RIMBP2: variants seen among roughly 807,000 people sequenced by gnomAD.
RIMBP2 encodes RIMS binding protein 2.
In RIMBP2, 48 loss-of-function variants were observed where a neutral mutation model predicts 118.6. The observed-to-expected ratio is 0.40, with a 90% CI of 0.32 to 0.51. The LOEUF is 0.51. Ranked by LOEUF, RIMBP2 falls within the 20% of genes least tolerant of loss-of-function variation. RIMBP2 has a pLI of 0.41. For synonymous variants in RIMBP2, 762 were observed against 742.9 expected, an observed-to-expected ratio of 1.03 and a Z score of -0.42; for missense variants, 1,551 against 1,768.3, an observed-to-expected ratio of 0.88 and a Z score of 2.20.
chr12:130,410,318 T>C (rs2075610615), intron 19 of RIMBP2, among the ~76,000 whole-genome samples: 1 of 152,246 alleles, frequency 6.6e-6, no homozygotes, highest in Non-Finnish European at 1.5e-5. Context: ...AAGGATTTTC[T>C]GCCAGCCTGT....
chr12:130,428,096 C>A, intron 15 of RIMBP2, 83 bp downstream of exon 15: 2 of 1,365,476 alleles, frequency 1.5e-6, no homozygotes, highest in Non-Finnish European at 9.9e-7. Context: ...CCTCTGGAGC[C>A]TGCCTCACCA....
chr12:130,525,339 G>T lies in RIMBP2; in HGVS notation c.-216-7422C>A, dbSNP rs887943606. 2.0e-5 allele frequency among the ~76,000 whole-genome samples: 3 copies of T among 152,210 alleles called. No homozygotes were observed. The highest frequency in any genetic ancestry group is 4.4e-5 in the Non-Finnish European group (3 of 68,036). ...AGGAGAGGCTCTGGTGATGGGATAAGCAGAGGGCAGCATCAATGGGTGGGA... is the reference window on the plus strand; with the variant it reads ...AGGAGAGGCTCTGGTGATGGGATAATCAGAGGGCAGCATCAATGGGTGGGA... On this transcript the variant is annotated intron_variant, in intron 2 of 22. Coordinates refer to ENST00000690449, the MANE Select transcript of RIMBP2 (RefSeq NM_001393629.1). This position sits in a 1 kb window ranked among gnomAD's most constrained non-coding sequence, Gnocchi z 4.4.
Position 130,431,493 on chromosome 12 carries a change from C to G in RIMBP2, c.2254-3156G>C. The stretch of plus-strand genomic sequence containing the variant: ...TTCTTTGAATTGAATCAATATTTAA[C>G]GTTACTTTTAAAGAAAATATCTCAA... On this transcript the variant is annotated intron_variant, in intron 14 of 22. Transcript: ENST00000690449. This position sits in a 1 kb window ranked among gnomAD's most constrained non-coding sequence, Gnocchi z 4.0. The G allele has an allele frequency of 2.8e-6, 1 of 351,480 alleles. No individual in the cohort carries two copies. Among genetic ancestry groups the G allele is most frequent in the African/African-American group, 2.1e-5 (1 of 48,268 alleles). The allele number at this position is 351,480 out of a possible 1,614,324, so 21.8% of individuals were successfully genotyped here. A position where few individuals can be genotyped will look rare whatever the true frequency, so the allele number is the denominator to read the frequency against.
At chr12:130,701,617 C>T (rs2065858457) in intron 1 of RIMBP2, among the ~76,000 whole-genome samples, 1 of 152,190 alleles carries the variant, frequency 6.6e-6, no homozygotes, top group Middle Eastern at 3.4e-3. Flanking sequence ...GCAAGGAAGG[C>T]GTGAGACTGT....
chr12:130,414,437 A>T, intron 17 of RIMBP2, 131 bp from the exon 18 acceptor site: 1 of 852,732 alleles, frequency 1.2e-6, no homozygotes, highest in African/African-American at 1.7e-5. Context: ...GTGTCTTAAC[A>T]TGTAGGTGGA....
In RIMBP2 at chr12:130,442,207, C is replaced by T; in HGVS notation, c.1145G>A (p.Arg382His). The change falls in exon 11 of 23, where the codon CGC (arginine) becomes CAC (histidine). Residue 382 changes from arginine (R) to histidine (H), a missense_variant. Arg to His is a conservative substitution (Grantham distance 29, BLOSUM62 0). Coordinates refer to ENST00000690449, the MANE Select transcript of RIMBP2 (RefSeq NM_001393629.1). This position sits in a 1 kb window ranked among gnomAD's most constrained non-coding sequence, Gnocchi z 6.9. ...EKLNMAACTY[R>H]ISVQCVTSRG... ...GCTGGTGACGCACTGCACGGAGATG[C>T]GGTAGGTGCAGGCTGCCATGTTGAG... The T allele has an allele frequency of 1.9e-6, 3 of 1,614,174 alleles. No homozygotes were observed. Among genetic ancestry groups the T allele is most frequent in the Non-Finnish European group, 2.5e-6 (3 of 1,180,042 alleles).
chr12:130,638,563 C>T (rs775194629), intron 1 of RIMBP2, among the ~76,000 whole-genome samples: 1 of 152,086 alleles, frequency 6.6e-6, no homozygotes, highest in African/African-American at 2.4e-5. Flanking sequence ...GGAATGTGAA[C>T]CCTACTGTGA....
intron 1 of RIMBP2, among the ~76,000 whole-genome samples, chr12:130,681,647 G>A (rs908985618): frequency 2.0e-5 from 3 of 152,074 alleles, no homozygotes; most frequent in East Asian, 1.9e-4. Flanking sequence ...ATTAAGATGC[G>A]ATAACTCTTT....
intron 2 of RIMBP2, among the ~76,000 whole-genome samples, chr12:130,611,933 A>G (rs970251006): frequency 3.3e-5 from 5 of 152,280 alleles, no homozygotes; most frequent in East Asian, 1.9e-4. Context: ...GGGAAAACCA[A>G]TTGGCTGCAG....
chr12:130,656,275 A>G (rs958543529), intron 1 of RIMBP2, among the ~76,000 whole-genome samples: 1 of 152,068 alleles, frequency 6.6e-6, no homozygotes, highest in Non-Finnish European at 1.5e-5. Context: ...CCCACAGGGG[A>G]AGGGAGGGAA....
intron 2 of RIMBP2, among the ~76,000 whole-genome samples, chr12:130,610,461 AAAAAC>A (rs1193622226): frequency 4.6e-5 from 7 of 152,208 alleles, no homozygotes; most frequent in Admixed American, 1.3e-4. Flanking sequence ...TTTGATAAAT[AAAAAC>A]AAAAGGATAA....
At chr12:130,651,614 C>T (rs1485616433) in intron 1 of RIMBP2, 2 of 152,264 alleles carry the variant, frequency 1.3e-5, no homozygotes, top group Non-Finnish European at 2.9e-5. Context: ...GAAAGCAAAA[C>T]TTCACCTGGG....
At chr12:130,606,926 G>T (rs1306837405) in intron 2 of RIMBP2, among the ~76,000 whole-genome samples, 1 of 152,128 alleles carries the variant, frequency 6.6e-6, no homozygotes, top group East Asian at 1.9e-4. Flanking sequence ...CCGCCTCCCG[G>T]GTTCAAGCAA....
intron 15 of RIMBP2, chr12:130,426,041 T>A (rs1275767652): frequency 6.6e-6 from 1 of 152,272 alleles, no homozygotes; most frequent in South Asian, 2.1e-4. Context: ...AATAAGGACA[T>A]CGAAAACAAA....
chr12:130,679,308 A>G (rs1219976220), intron 1 of RIMBP2, among the ~76,000 whole-genome samples: 1 of 152,246 alleles, frequency 6.6e-6, no homozygotes, highest in Non-Finnish European at 1.5e-5. Flanking sequence ...AGCCTGGCAT[A>G]ACCAAAAGTC....
chr12:130,532,460 C>A (rs2053540332), intron 2 of RIMBP2, among the ~76,000 whole-genome samples: 1 of 148,836 alleles, frequency 6.7e-6, no homozygotes, highest in South Asian at 2.1e-4. Context: ...TAATGAGATG[C>A]GTGTGTTCAG....
chr12:130,707,699 G>A (rs551827793), intron 1 of RIMBP2, among the ~76,000 whole-genome samples: 1 of 152,206 alleles, frequency 6.6e-6, no homozygotes, highest in Admixed American at 6.5e-5. Context: ...GGCAGAGGTG[G>A]ACACAGGAGG....
chr12:130,521,288 C>T (rs187184042), intron 2 of RIMBP2, among the ~76,000 whole-genome samples: 159 of 152,332 alleles, frequency 1.0e-3, no homozygotes, highest in Non-Finnish European at 1.9e-3. Flanking sequence ...TGCAGATCAC[C>T]TATGTGCTGG....
chr12:130,641,454 G>A (rs1254450290), intron 1 of RIMBP2, among the ~76,000 whole-genome samples: 5 of 143,072 alleles, frequency 3.5e-5, no homozygotes, highest in African/African-American at 7.9e-5. Context: ...CCGGACACTC[G>A]GCCCGGCATC....
Sources: gnomAD v4.1 joint callset for allele counts (sites outside exome capture counted in the v4.1 genomes callset) on GRCh38, gnomAD v4.1.1 for gene constraint, Gnocchi (gnomAD v3.1) non-coding constraint, MANE v1.5 for transcripts, NCBI Gene and HGNC (gene_info 2026-07-23, HGNC 2026-07-21) for gene names.